VWA3B: variants seen among roughly 807,000 people sequenced by gnomAD.
VWA3B encodes the protein von Willebrand factor A domain-containing protein 3B.
VWA3B carries 138 observed loss-of-function variants against 158.3 expected under a neutral mutation model. That is an observed-to-expected ratio of 0.87 (90% CI 0.76 to 1.00). The LOEUF (loss-of-function observed/expected upper bound fraction) is 1.00. Among genes scored for constraint, VWA3B ranks in the 50% least tolerant of loss-of-function variants. The probability of loss-of-function intolerance (pLI) is 0.00; values close to 1 mark genes in which losing one functional copy is unlikely to be tolerated. For missense variants in VWA3B, 1,555 were observed against 1,565.1 expected, an observed-to-expected ratio of 0.99 and a Z score of 0.11; for synonymous variants, 596 against 587.3, an observed-to-expected ratio of 1.01 and a Z score of -0.21.
chr2:98,282,432 CTTT>C (rs759230723), intron 22 of VWA3B, among the ~76,000 whole-genome samples: 4,908 of 124,604 alleles, frequency 0.039, 72 homozygotes, highest in Middle Eastern at 0.075. Flanking sequence ...ACATGAATTA[CTTT>C]TTTTTTTTTT....
chr2:98,300,501 C>T (rs962349783), intron 25 of VWA3B, among the ~76,000 whole-genome samples: 7 of 152,212 alleles, frequency 4.6e-5, no homozygotes, highest in African/African-American at 1.7e-4. Flanking sequence ...GAGCACCACT[C>T]TCTCTGGCTC....
intron 11 of VWA3B, among the ~76,000 whole-genome samples, chr2:98,193,970 C>T (rs1386703202): frequency 2.0e-5 from 3 of 152,086 alleles, no homozygotes; most frequent in Non-Finnish European, 4.4e-5. Flanking sequence ...ATGGCTTTAC[C>T]TAAAAGAGAA....
intron 12 of VWA3B, among the ~76,000 whole-genome samples, chr2:98,205,991 G>T (rs140086622): frequency 6.6e-6 from 1 of 152,320 alleles, no homozygotes; most frequent in African/African-American, 2.4e-5. Context: ...AAAAGCATAT[G>T]CAGTCTTTTG....
In VWA3B at chr2:98,237,351, G is replaced by A. The variant is rs1280856645; in HGVS notation, c.2673+621G>A. Among the ~76,000 whole-genome samples, 3 of 152,174 alleles carry A rather than the reference G, an allele frequency of 2.0e-5. No individual in the cohort carries two copies. In the East Asian group the frequency reaches 5.8e-4, roughly 29 times the overall value. On this transcript the variant is annotated intron_variant, in intron 19 of 27. Coordinates refer to ENST00000477737, the MANE Select transcript of VWA3B (RefSeq NM_144992.5). ...TATCCCTTTATGAAAGGAAAGGGAGGACTTGCGAGAGATTATGTCCTTCTT... is the reference window on the plus strand; with the variant it reads ...TATCCCTTTATGAAAGGAAAGGGAGAACTTGCGAGAGATTATGTCCTTCTT...
intron 12 of VWA3B, among the ~76,000 whole-genome samples, chr2:98,200,841 T>C (rs184891797): frequency 1.4e-3 from 218 of 152,362 alleles, no homozygotes; most frequent in African/African-American, 5.1e-3. Flanking sequence ...TTTGAGTTCA[T>C]TTTTGTATAA....
chr2:98,294,342 T>C (rs1689676553), intron 23 of VWA3B, among the ~76,000 whole-genome samples: 1 of 151,978 alleles, frequency 6.6e-6, no homozygotes, highest in Non-Finnish European at 1.5e-5. Context: ...AACAGCTCAC[T>C]TAAAATGCAC....
intron 8 of VWA3B, among the ~76,000 whole-genome samples, chr2:98,168,643 A>G (rs1195896249): frequency 6.6e-6 from 1 of 152,220 alleles, no homozygotes; most frequent in Non-Finnish European, 1.5e-5. Flanking sequence ...TTAAAAAGAC[A>G]CATACTGAAC....
intron 19 of VWA3B, among the ~76,000 whole-genome samples, chr2:98,244,990 C>G (rs1484831118): frequency 2.0e-5 from 3 of 152,120 alleles, no homozygotes; most frequent in African/African-American, 7.2e-5. Context: ...CACCCTCCAT[C>G]CCCATCTCGA....
intron 7 of VWA3B, among the ~76,000 whole-genome samples, chr2:98,161,616 A>G (rs7568801): frequency 0.61 from 93,432 of 152,172 alleles, 29,187 homozygotes; most frequent in East Asian, 0.82. Flanking sequence ...TGAGATAATT[A>G]TAGATTCACA....
chr2:98,294,910 C>T (rs980942720), intron 23 of VWA3B, among the ~76,000 whole-genome samples: 65 of 152,210 alleles, frequency 4.3e-4, no homozygotes, highest in African/African-American at 1.5e-3. Context: ...TGAAACCCTT[C>T]ATAAACTGGC....
At chr2:98,241,732 A>G (rs1274198186) in intron 19 of VWA3B, among the ~76,000 whole-genome samples, 1 of 152,032 alleles carries the variant, frequency 6.6e-6, no homozygotes, top group Non-Finnish European at 1.5e-5. Context: ...AGCACATCCC[A>G]TGGGCACTTG....
intron 2 of VWA3B, among the ~76,000 whole-genome samples, chr2:98,093,651 T>C (rs556502897): frequency 6.6e-6 from 1 of 152,344 alleles, no homozygotes; most frequent in African/African-American, 2.4e-5. Context: ...TTTTTTGTGG[T>C]GAGAACACTT....
chr2:98,247,898 T>C (rs1264893341), intron 19 of VWA3B, among the ~76,000 whole-genome samples: 2 of 152,130 alleles, frequency 1.3e-5, no homozygotes, highest in Non-Finnish European at 2.9e-5. Flanking sequence ...AAAATGTCTA[T>C]TAATATATAT....
intron 4 of VWA3B, among the ~76,000 whole-genome samples, chr2:98,120,910 G>C (rs866733202): frequency 1.1e-4 from 17 of 152,200 alleles, no homozygotes; most frequent in African/African-American, 3.6e-4. Context: ...CAATAGAATT[G>C]CTGGTGATTT....
At chr2:98,138,353 T>G (rs1676452217) in intron 7 of VWA3B, among the ~76,000 whole-genome samples, 1 of 152,216 alleles carries the variant, frequency 6.6e-6, no homozygotes, top group Non-Finnish European at 1.5e-5. Context: ...TAATGGTAAT[T>G]TGGGAAGGTC....
At chr2:98,089,062 G>A (rs1682079580) in intron 1 of VWA3B, among the ~76,000 whole-genome samples, 1 of 152,078 alleles carries the variant, frequency 6.6e-6, no homozygotes, top group South Asian at 2.1e-4. Flanking sequence ...TTACAGGAGT[G>A]AGCCACCGTG....
chr2:98,216,890 G>A, intron 13 of VWA3B: 1 of 1,279,238 alleles, frequency 7.8e-7, no homozygotes, highest in Non-Finnish European at 1.0e-6. Flanking sequence ...TGAGCTTCAA[G>A]CCCAAGTCTC....
chr2:98,187,658 C>CTGTGTGTGTGTGTGTGTGTGTG (rs1389987333), intron 9 of VWA3B, among the ~76,000 whole-genome samples: 5 of 109,812 alleles, frequency 4.6e-5, no homozygotes, highest in African/African-American at 1.9e-4. Flanking sequence ...CTCTCCGTCT[C>CTGTGTGTGTGTGTGTGTGTGTG]TGTGTCTGTG....
At chr2:98,274,968 C>T (rs1351301972) in intron 22 of VWA3B, among the ~76,000 whole-genome samples, 1 of 152,180 alleles carries the variant, frequency 6.6e-6, no homozygotes, top group African/African-American at 2.4e-5. Flanking sequence ...TCCATCCTTC[C>T]TCTGCTCCTC....
Sources: allele counts gnomAD v4.1 joint callset (sites outside exome capture counted in the v4.1 genomes callset), GRCh38; gene constraint gnomAD v4.1.1; transcripts MANE v1.5; gene names NCBI Gene and HGNC (gene_info 2026-07-23, HGNC 2026-07-21).